The following NF2 variants were observed in gnomAD, a reference collection of about 807,000 sequenced individuals.
NF2 encodes NF2, moesin-ezrin-radixin like (MERLIN) tumor suppressor.
Under a neutral mutation model 83.7 loss-of-function variants are expected in NF2, and 8 were observed. The observed-to-expected ratio is 0.10, with a 90% confidence interval of 0.06 to 0.17. NF2 has a LOEUF of 0.17. NF2 is among the 10% of genes least tolerant of loss of function. The pLI is 1.00. For synonymous variants in NF2, 266 were observed against 269.6 expected (o/e 0.99, Z 0.13); for missense variants, 533 against 744.4 (o/e 0.72, Z 3.31).
chr22:29,678,069 C>T, intron 13 of NF2, 127 bp from the exon 14 acceptor site: 2 of 1,165,098 alleles, frequency 1.7e-6, no homozygotes, highest in Non-Finnish European at 2.6e-6. Context: ...CTCGTGGTGG[C>T]ATTGGGAGGT....
chr22:29,615,069 A>G (rs957627773), intron 1 of NF2, among the ~76,000 whole-genome samples: 4 of 152,170 alleles, frequency 2.6e-5, no homozygotes, highest in African/African-American at 4.8e-5. Flanking sequence ...TTGTAGTGCC[A>G]TCTACTCTGG....
chr22:29,631,078 C>G (rs149109492), intron 1 of NF2, among the ~76,000 whole-genome samples: 2 of 152,328 alleles, frequency 1.3e-5, no homozygotes, highest in Non-Finnish European at 2.9e-5. Context: ...AGTTCCTAAT[C>G]AGCGTGGAGA....
At position 29,654,770 on chromosome 22, in the gene NF2, G is replaced by A. The variant is rs781329578; in HGVS notation, c.516+45G>A. ...TTTCAGGAAGACATAGCAGATATGT[G>A]GTCTAAAAGAAAGCTAACCAAAGGA... is the stretch of plus-strand genomic sequence containing the variant. On this transcript the variant is annotated intron_variant, in intron 5 of 15. Transcript: ENST00000338641. 4.8e-6 allele frequency: 7 copies of A among 1,447,928 alleles called. No homozygotes were observed. In the East Asian group the frequency reaches 1.6e-4, roughly 33 times the overall value. 89.7% of individuals were successfully genotyped at this position (1,447,928 alleles called of 1,614,324 possible).
chr22:29,612,254 C>T (rs1200785812), intron 1 of NF2, among the ~76,000 whole-genome samples: 2 of 152,218 alleles, frequency 1.3e-5, no homozygotes, highest in Non-Finnish European at 1.5e-5. Flanking sequence ...GTGATCCACC[C>T]GCCTCAGCCT....
At chr22:29,682,254 C>G (rs541219427) in intron 15 of NF2, among the ~76,000 whole-genome samples, 1 of 152,228 alleles carries the variant, frequency 6.6e-6, no homozygotes, top group East Asian at 1.9e-4. Context: ...CCAAATAATG[C>G]TCTGCTCTTA....
At chr22:29,657,804 C>T (rs1219196562) in intron 6 of NF2, among the ~76,000 whole-genome samples, 1 of 152,132 alleles carries the variant, frequency 6.6e-6, no homozygotes, top group Non-Finnish European at 1.5e-5. Context: ...AGAAAGTACA[C>T]AAAGGAAAAG....
chr22:29,645,564 C>T (rs1311279598), intron 4 of NF2, among the ~76,000 whole-genome samples: 1 of 152,162 alleles, frequency 6.6e-6, no homozygotes, highest in Non-Finnish European at 1.5e-5. Flanking sequence ...AGTGATGAAG[C>T]AGTCATTGGC....
At chr22:29,685,948 GCTCT>G (rs1380432735) in intron 15 of NF2, among the ~76,000 whole-genome samples, 5 of 149,270 alleles carry the variant, frequency 3.3e-5, no homozygotes, top group African/African-American at 4.9e-5. Context: ...TTACTCGCTC[GCTCT>G]CTCTTTTTTT....
At chr22:29,606,353 C>T (rs1402455209) in intron 1 of NF2, among the ~76,000 whole-genome samples, 1 of 152,216 alleles carries the variant, frequency 6.6e-6, no homozygotes, top group Non-Finnish European at 1.5e-5. Context: ...AATTGCTCAT[C>T]CCCCAGTTCT....
intron 1 of NF2, among the ~76,000 whole-genome samples, chr22:29,624,801 CTTTCTTTCTTTCTTTCTTTCTT>C (rs2065302651): frequency 3.8e-4 from 4 of 10,594 alleles, no homozygotes; most frequent in African/African-American, 1.1e-3. Flanking sequence ...GAAGGGTCCT[CTTTCTTTCTTTCTTTCTTTCTT>C]TCTTTCTTTC....
intron 1 of NF2, among the ~76,000 whole-genome samples, chr22:29,615,488 A>T (rs1601539499): frequency 1.3e-5 from 2 of 152,126 alleles, no homozygotes; most frequent in East Asian, 3.9e-4. Context: ...TGGGAGGATC[A>T]CTTGAGCCTG....
chr22:29,634,261 T>A (rs1276527445), intron 1 of NF2, among the ~76,000 whole-genome samples: 1 of 152,214 alleles, frequency 6.6e-6, no homozygotes, highest in Non-Finnish European at 1.5e-5. Context: ...CGATCCTTTG[T>A]GTCAAAGTTA....
chr22:29,673,109 A>C lies in NF2; in HGVS notation c.1123-160A>C, dbSNP rs144733832. On this transcript the variant is annotated intron_variant, in intron 11 of 15. Coordinates refer to ENST00000338641, the MANE Select transcript of NF2 (RefSeq NM_000268.4). ...AAGGGCCCTTCTGAAAAGTTGGGGAATGTGGCTTGTCATTTCTTGTCAGAG... is the reference window on the plus strand; with the variant it reads ...AAGGGCCCTTCTGAAAAGTTGGGGACTGTGGCTTGTCATTTCTTGTCAGAG... Among the ~76,000 whole-genome samples, 845 of 152,328 alleles carry C rather than the reference A, an allele frequency of 5.5e-3. 7 individuals carry two copies. Among genetic ancestry groups the C allele is most frequent in the African/African-American group, 0.019 (792 of 41,580 alleles).
intron 4 of NF2, among the ~76,000 whole-genome samples, chr22:29,649,779 CAAA>C (rs567321314): frequency 3.1e-5 from 3 of 95,740 alleles, no homozygotes; most frequent in Admixed American, 1.1e-4. Context: ...GCCACTGGTA[CAAA>C]AAAAAAAAAG....
intron 1 of NF2, among the ~76,000 whole-genome samples, chr22:29,619,933 A>C (rs1164522187): frequency 6.6e-6 from 1 of 152,192 alleles, no homozygotes; most frequent in Non-Finnish European, 1.5e-5. Context: ...ACACTACCTC[A>C]TTTGATATAA....
At chr22:29,622,558 A>C (rs2065239810) in intron 1 of NF2, among the ~76,000 whole-genome samples, 1 of 151,796 alleles carries the variant, frequency 6.6e-6, no homozygotes, top group South Asian at 2.1e-4. Context: ...GATTTTGAAA[A>C]GTTAGTTAAC....
At chr22:29,674,772 G>A in intron 12 of NF2, 64 bp from the exon 13 acceptor site, 2 of 1,416,832 alleles carry the variant, frequency 1.4e-6, no homozygotes, top group South Asian at 1.2e-5. Flanking sequence ...GCAGGGGTGG[G>A]GTGGTGTCTT....
chr22:29,644,014 G>A (rs1213291061), intron 4 of NF2, among the ~76,000 whole-genome samples: 2 of 150,938 alleles, frequency 1.3e-5, no homozygotes, highest in Non-Finnish European at 3.0e-5. Context: ...GGCCTGGCCG[G>A]GGGGCTGACC....
At chr22:29,646,704 A>G (rs1257734880) in intron 4 of NF2, among the ~76,000 whole-genome samples, 13 of 152,220 alleles carry the variant, frequency 8.5e-5, no homozygotes, top group Admixed American at 8.5e-4. Context: ...TACTAATCAC[A>G]TGGTTCAGTT....
Sources: allele counts gnomAD v4.1 joint callset (sites outside exome capture counted in the v4.1 genomes callset), GRCh38; gene constraint gnomAD v4.1.1; transcripts MANE v1.5; gene names NCBI Gene and HGNC (gene_info 2026-07-23, HGNC 2026-07-21).